The following KIAA1328 variants were observed in gnomAD, a reference collection of about 807,000 sequenced individuals.
KIAA1328 encodes KIAA1328, also known as protein hinderin.
In KIAA1328, 52 loss-of-function variants were observed where a neutral mutation model predicts 68.1. That is an observed-to-expected ratio of 0.76 (90% CI 0.61 to 0.96). The LOEUF (loss-of-function observed/expected upper bound fraction) is 0.96, where lower values mean the gene tolerates loss of function less well. Among genes scored for constraint, KIAA1328 ranks in the 40% least tolerant of loss-of-function variants. KIAA1328 has a pLI of 0.00. For missense variants in KIAA1328, 641 were observed against 677.6 expected, an observed-to-expected ratio of 0.95 and a Z score of 0.60; for synonymous variants, 232 against 239.4, an observed-to-expected ratio of 0.97 and a Z score of 0.28.
At chr18:37,050,503 A>C (rs1347989925) in intron 6 of KIAA1328, among the ~76,000 whole-genome samples, 5 of 152,214 alleles carry the variant, frequency 3.3e-5, no homozygotes, top group Non-Finnish European at 2.9e-5. Context: ...ACATTTAGAA[A>C]ACCATGTATA....
At chr18:36,845,664 GA>G (rs2047003297) in intron 4 of KIAA1328, among the ~76,000 whole-genome samples, 1 of 151,722 alleles carries the variant, frequency 6.6e-6, no homozygotes, top group African/African-American at 2.4e-5. Context: ...AAAAAAAGGG[GA>G]AAAAGTGACA....
At chr18:37,134,123 C>G (rs1245207527) in intron 7 of KIAA1328, among the ~76,000 whole-genome samples, 1 of 151,984 alleles carries the variant, frequency 6.6e-6, no homozygotes, top group African/African-American at 2.4e-5. Flanking sequence ...AAGCGATTCT[C>G]CTGCCTCAGC....
At chr18:37,199,272 C>T (rs1157095695) in intron 9 of KIAA1328, among the ~76,000 whole-genome samples, 1 of 152,034 alleles carries the variant, frequency 6.6e-6, no homozygotes, top group Non-Finnish European at 1.5e-5. Flanking sequence ...TCTGGTAGGC[C>T]CTAGTGTGTG....
chr18:36,909,257 T>G (rs1313582795), intron 5 of KIAA1328, among the ~76,000 whole-genome samples: 4 of 152,026 alleles, frequency 2.6e-5, no homozygotes, highest in Non-Finnish European at 5.9e-5. Context: ...ACATTAGGTA[T>G]ATCTCCTAAT....
At position 37,190,405 on chromosome 18, in the gene KIAA1328, A is replaced by G. The variant is rs1449220038; in HGVS notation, c.1523+17324A>G. Among the ~76,000 whole-genome samples the G allele has an allele frequency of 2.0e-5, 3 of 152,214 alleles. No homozygotes were observed. The East Asian group carries it at 5.8e-4, about 29-fold the overall frequency. The stretch of plus-strand genomic sequence containing the variant: ...TCGAGGTGAGAAAAATATATATTAA[A>G]GTTAAATCAAGCAATTAGAATGAAT... On this transcript the variant is annotated intron_variant, in intron 9 of 9. Transcript: ENST00000280020.
At chr18:36,942,771 C>T (rs1420013569) in intron 5 of KIAA1328, among the ~76,000 whole-genome samples, 1 of 152,100 alleles carries the variant, frequency 6.6e-6, no homozygotes, top group Non-Finnish European at 1.5e-5. Context: ...CATCATATAG[C>T]TGAGACATTA....
chr18:37,106,266 C>T (rs2057772847), intron 7 of KIAA1328, among the ~76,000 whole-genome samples: 1 of 151,956 alleles, frequency 6.6e-6, no homozygotes, highest in Admixed American at 6.6e-5. Context: ...ATGAAATGTC[C>T]AGAAAAGGCT....
At chr18:36,997,832 C>T (rs1022668733) in intron 6 of KIAA1328, among the ~76,000 whole-genome samples, 6 of 152,126 alleles carry the variant, frequency 3.9e-5, no homozygotes, top group South Asian at 4.1e-4. Context: ...TTGTGAGATA[C>T]GGTGGGGCCT....
chr18:36,998,886 A>T (rs967828620), intron 6 of KIAA1328, among the ~76,000 whole-genome samples: 1 of 152,246 alleles, frequency 6.6e-6, no homozygotes, highest in Admixed American at 6.5e-5. Flanking sequence ...AGGAAATATG[A>T]TACCTTCAAA....
rs778995914 is a variant in KIAA1328 at position 37,084,258 on chromosome 18, A to C, written c.1232+16713A>C. ...GTAAACCTGAAGTCTCAGTTAAAACAAGAATCTTAAGGGCATAAATATTTA... is the reference window on the plus strand; with the variant it reads ...GTAAACCTGAAGTCTCAGTTAAAACCAGAATCTTAAGGGCATAAATATTTA... On this transcript the variant is annotated intron_variant, in intron 7 of 9. Coordinates refer to ENST00000280020, the MANE Select transcript of KIAA1328 (RefSeq NM_020776.3). 40 of 1,306,054 alleles carry C rather than the reference A, an allele frequency of 3.1e-5. 1 individual carries two copies. In the South Asian group the frequency reaches 5.7e-4, roughly 19 times the overall value. 80.9% of individuals were successfully genotyped at this position (1,306,054 alleles called of 1,614,324 possible).
intron 7 of KIAA1328, among the ~76,000 whole-genome samples, chr18:37,122,520 T>G (rs528312745): frequency 6.6e-6 from 1 of 151,980 alleles, no homozygotes; most frequent in South Asian, 2.1e-4. Flanking sequence ...CAGGAGAGGG[T>G]ATTATTGATC....
intron 7 of KIAA1328, among the ~76,000 whole-genome samples, chr18:37,099,814 C>A (rs994839416): frequency 6.6e-6 from 1 of 152,134 alleles, no homozygotes; most frequent in African/African-American, 2.4e-5. Context: ...GAATTGATCC[C>A]TTTACCATTA....
At chr18:37,122,896 A>T (rs2058307003) in intron 7 of KIAA1328, among the ~76,000 whole-genome samples, 1 of 152,154 alleles carries the variant, frequency 6.6e-6, no homozygotes, top group Admixed American at 6.5e-5. Context: ...TTTCTAGCTG[A>T]TTTTAAAAAT....
At chr18:37,044,761 T>C (rs2055397158) in intron 6 of KIAA1328, among the ~76,000 whole-genome samples, 1 of 145,536 alleles carries the variant, frequency 6.9e-6, no homozygotes. Flanking sequence ...ATCGCGCCAC[T>C]GCACTCCAGC....
chr18:37,099,676 G>T (rs1306121897), intron 7 of KIAA1328, among the ~76,000 whole-genome samples: 2 of 152,150 alleles, frequency 1.3e-5, no homozygotes, highest in Non-Finnish European at 2.9e-5. Flanking sequence ...ACAGTGGGTT[G>T]TTAAAGTCTC....
At chr18:37,202,259 G>A (rs1476999075) in intron 9 of KIAA1328, among the ~76,000 whole-genome samples, 1 of 152,172 alleles carries the variant, frequency 6.6e-6, no homozygotes, top group African/African-American at 2.4e-5. Flanking sequence ...TCAAATGAAA[G>A]GTTATAACAA....
chr18:37,075,612 G>C (rs934089695), intron 7 of KIAA1328: 1 of 152,048 alleles, frequency 6.6e-6, no homozygotes, highest in African/African-American at 2.4e-5. Flanking sequence ...GACACACATA[G>C]GCTCAAAATA....
At position 36,941,276 on chromosome 18, in the gene KIAA1328, A is replaced by G. The variant is rs192571804; in HGVS notation, c.449-18032A>G. ...CTTATAAAGCTCTGTACCTGAGGAG[A>G]GAGAGAGCCTTTCTAGCCTTTTTAA... On this transcript the variant is annotated intron_variant, in intron 5 of 9. Transcript: ENST00000280020. Among the ~76,000 whole-genome samples the G allele has an allele frequency of 9.2e-5, 14 of 152,196 alleles. No homozygotes were observed. The East Asian group carries it at 1.9e-3, about 21-fold the overall frequency.
intron 7 of KIAA1328, among the ~76,000 whole-genome samples, chr18:37,088,371 A>C (rs1442718654): frequency 1.3e-5 from 2 of 152,164 alleles, no homozygotes; most frequent in Non-Finnish European, 2.9e-5. Flanking sequence ...TTATTTGTAT[A>C]TTTAAACCAT....
Sources: gnomAD v4.1 joint callset for allele counts (sites outside exome capture counted in the v4.1 genomes callset) on GRCh38, gnomAD v4.1.1 for gene constraint, MANE v1.5 for transcripts, NCBI Gene and HGNC (gene_info 2026-07-23, HGNC 2026-07-21) for gene names.